SFXN5: variants seen among roughly 807,000 people sequenced by gnomAD.
SFXN5 encodes the protein sideroflexin-5.
Under a neutral mutation model 50.2 loss-of-function variants are expected in SFXN5, and 43 were observed. The ratio of observed to expected loss-of-function variants is 0.86; its 90% confidence interval spans 0.67 to 1.11. The LOEUF (loss-of-function observed/expected upper bound fraction) is 1.11. Ranked by LOEUF, SFXN5 falls within the 50% of genes least tolerant of loss-of-function variation. The pLI is 0.00. For synonymous variants in SFXN5, 203 were observed against 185.8 expected, an observed-to-expected ratio of 1.09 and a Z score of -0.75; for missense variants, 463 against 454.1, an observed-to-expected ratio of 1.02 and a Z score of -0.18.
chr2:73,023,119 C>A, intron 4 of SFXN5, 69 bp downstream of exon 4: 2 of 1,526,188 alleles, frequency 1.3e-6, no homozygotes, highest in Admixed American at 1.9e-5. Context: ...CCACTAGATC[C>A]CTGGGACAGG....
At chr2:72,962,543 T>C (rs1468283826) in intron 12 of SFXN5, among the ~76,000 whole-genome samples, 1 of 152,236 alleles carries the variant, frequency 6.6e-6, no homozygotes, top group Non-Finnish European at 1.5e-5. Flanking sequence ...GCACTGGACC[T>C]GGAAATGTGC....
intron 2 of SFXN5, among the ~76,000 whole-genome samples, chr2:73,046,331 C>G (rs1370927846): frequency 6.6e-6 from 1 of 151,502 alleles, no homozygotes; most frequent in Non-Finnish European, 1.5e-5. Context: ...GTCGCTTGAA[C>G]CCGGAAAGTG....
intron 2 of SFXN5, among the ~76,000 whole-genome samples, chr2:73,057,117 G>A (rs148928293): frequency 3.3e-5 from 5 of 152,250 alleles, no homozygotes; most frequent in African/African-American, 1.2e-4. Context: ...ACTAATACAT[G>A]CAATGACACA....
In SFXN5 at chr2:72,945,849, A is replaced by G. The variant is rs1671875654; in HGVS notation, c.946-750T>C. ...ACAACCACCCCACCCCTGCCCCCATAGCCAGGTCAGCTCCCTCGCCCACTC... is the reference window on the plus strand; with the variant it reads ...ACAACCACCCCACCCCTGCCCCCATGGCCAGGTCAGCTCCCTCGCCCACTC... On this transcript the variant is annotated intron_variant, in intron 13 of 13. Coordinates refer to ENST00000272433, the MANE Select transcript of SFXN5 (RefSeq NM_144579.3). The surrounding 1 kb of genome is among the most constrained non-coding windows in gnomAD (Gnocchi z 5.8). Among the ~76,000 whole-genome samples the G allele has an allele frequency of 6.6e-6, 1 of 151,268 alleles. No individual in the cohort carries two copies. The highest frequency in any genetic ancestry group is 2.1e-4 in the South Asian group (1 of 4,754).
chr2:73,010,570 T>G (rs1675379291), intron 6 of SFXN5, among the ~76,000 whole-genome samples: 1 of 152,258 alleles, frequency 6.6e-6, no homozygotes, highest in African/African-American at 2.4e-5. Flanking sequence ...TTTAAGCCAC[T>G]GTTATTTTGG....
intron 2 of SFXN5, among the ~76,000 whole-genome samples, chr2:73,046,149 C>T (rs946526788): frequency 6.6e-6 from 1 of 152,162 alleles, no homozygotes; most frequent in Non-Finnish European, 1.5e-5. Flanking sequence ...CAGCTCACGC[C>T]TGTAATCCCA....
chr2:73,022,895 C>G (rs1677080595), intron 4 of SFXN5, among the ~76,000 whole-genome samples: 1 of 152,234 alleles, frequency 6.6e-6, no homozygotes, highest in African/African-American at 2.4e-5. Flanking sequence ...CTTGCAGGCC[C>G]TCTACCCCCA....
intron 13 of SFXN5, among the ~76,000 whole-genome samples, chr2:72,959,892 T>G (rs1673517187): frequency 6.6e-6 from 1 of 152,172 alleles, no homozygotes; most frequent in South Asian, 2.1e-4. Flanking sequence ...TTTCTCATTT[T>G]TTCCCCTCAC....
intron 1 of SFXN5, among the ~76,000 whole-genome samples, chr2:73,060,795 G>A (rs1001586100): frequency 6.6e-6 from 1 of 150,592 alleles, no homozygotes; most frequent in African/African-American, 2.4e-5. Context: ...TCTGCCTCCC[G>A]AGTTAGCAAT....
intron 6 of SFXN5, among the ~76,000 whole-genome samples, chr2:73,007,660 A>G (rs1035272852): frequency 2.0e-5 from 3 of 152,068 alleles, no homozygotes; most frequent in African/African-American, 7.2e-5. Context: ...CAGGTAGAGC[A>G]AGTGTCTTTA....
At chr2:73,037,903 T>C (rs1055259879) in intron 3 of SFXN5, among the ~76,000 whole-genome samples, 2 of 152,092 alleles carry the variant, frequency 1.3e-5, no homozygotes, top group Admixed American at 6.6e-5. Context: ...AATGATGAAA[T>C]ATACCAAGAA....
At chr2:73,049,591 G>C (rs1353928030) in intron 2 of SFXN5, 2 of 152,118 alleles carry the variant, frequency 1.3e-5, no homozygotes, top group Non-Finnish European at 2.9e-5. Context: ...CCATTCATGA[G>C]GGAGGGACCC....
At chr2:72,959,567 T>C (rs964035690) in intron 13 of SFXN5, among the ~76,000 whole-genome samples, 3 of 152,070 alleles carry the variant, frequency 2.0e-5, no homozygotes, top group African/African-American at 4.8e-5. Context: ...ACAGGAGCCA[T>C]TGGAACAACT....
intron 13 of SFXN5, among the ~76,000 whole-genome samples, chr2:72,951,008 G>A (rs528368773): frequency 3.3e-5 from 5 of 152,280 alleles, no homozygotes; most frequent in South Asian, 2.1e-4. Flanking sequence ...GCTCCTCCCC[G>A]GGCACCCAAG....
rs576999615 is a variant in SFXN5 at position 73,062,194 on chromosome 2, T to C, written c.103-3598A>G. ...TTAAGAGCTCCTGAAGGACATGGGC[T>C]ATTGAATGTTCCTTCCTTATCCTCC... On this transcript the variant is annotated intron_variant, in intron 1 of 13. Transcript: ENST00000272433. Among the ~76,000 whole-genome samples the C allele has an allele frequency of 3.1e-3, 469 of 152,320 alleles. 9 individuals are homozygous for C. The highest frequency in any genetic ancestry group is 0.011 in the African/African-American group (440 of 41,562).
intron 6 of SFXN5, among the ~76,000 whole-genome samples, chr2:73,015,166 G>A (rs992634015): frequency 4.6e-5 from 7 of 152,144 alleles, no homozygotes; most frequent in Admixed American, 1.3e-4. Flanking sequence ...AATAATTACC[G>A]TAAATTGAGT....
At chr2:72,966,978 C>T (rs1674489880) in intron 12 of SFXN5, among the ~76,000 whole-genome samples, 1 of 152,192 alleles carries the variant, frequency 6.6e-6, no homozygotes, top group Admixed American at 6.5e-5. Context: ...CAAACACAGG[C>T]TGATTGAGGG....
At chr2:73,039,662 G>A (rs1679366950) in intron 3 of SFXN5, among the ~76,000 whole-genome samples, 1 of 151,872 alleles carries the variant, frequency 6.6e-6, no homozygotes, top group Non-Finnish European at 1.5e-5. Context: ...ATATTTGTCT[G>A]AAAGATAGAA....
intron 10 of SFXN5, among the ~76,000 whole-genome samples, chr2:72,972,856 A>T (rs1415707607): frequency 6.6e-6 from 1 of 152,192 alleles, no homozygotes; most frequent in East Asian, 1.9e-4. Context: ...GAGCGACTGC[A>T]GTTCTGGGCT....
Sources: allele counts gnomAD v4.1 joint callset (sites outside exome capture counted in the v4.1 genomes callset), GRCh38; gene constraint gnomAD v4.1.1; non-coding constraint Gnocchi (gnomAD v3.1); transcripts MANE v1.5; gene names NCBI Gene and HGNC (gene_info 2026-07-23, HGNC 2026-07-21).